Variants in SEMA5A observed in about 807,000 individuals in gnomAD.
SEMA5A encodes semaphorin 5A, also known as semaphorin-5A.
In SEMA5A, 55 loss-of-function variants were observed where a neutral mutation model predicts 135.5. That is an observed-to-expected ratio of 0.41 (90% CI 0.33 to 0.51). The LOEUF (loss-of-function observed/expected upper bound fraction) is 0.51. Among genes scored for constraint, SEMA5A ranks in the 20% least tolerant of loss-of-function variants. SEMA5A has a pLI of 0.37. For synonymous variants in SEMA5A, 580 were observed against 546.5 expected, an observed-to-expected ratio of 1.06 and a Z score of -0.85; for missense variants, 1,290 against 1,419.9, an observed-to-expected ratio of 0.91 and a Z score of 1.47.
chr5:9,467,335 A>T (rs2126744157), intron 1 of SEMA5A, among the ~76,000 whole-genome samples: 1 of 152,060 alleles, frequency 6.6e-6, no homozygotes, highest in South Asian at 2.1e-4. Context: ...GCTTGTCTTG[A>T]ACTGTTGACC....
At chr5:9,292,057 C>T (rs1050029662) in intron 5 of SEMA5A, among the ~76,000 whole-genome samples, 1 of 152,080 alleles carries the variant, frequency 6.6e-6, no homozygotes, top group Non-Finnish European at 1.5e-5. Flanking sequence ...CCTCAGGAGT[C>T]CTCGAGGCTA....
chr5:9,162,591 C>CATATAT (rs1553995478), intron 11 of SEMA5A, among the ~76,000 whole-genome samples: 99 of 107,014 alleles, frequency 9.3e-4, no homozygotes, highest in East Asian at 2.5e-3. Flanking sequence ...TATATACACA[C>CATATAT]ACACACACAA....
intron 5 of SEMA5A, among the ~76,000 whole-genome samples, chr5:9,283,370 T>C (rs1319318447): frequency 6.6e-6 from 1 of 152,274 alleles, no homozygotes; most frequent in African/African-American, 2.4e-5. Flanking sequence ...CTGAGACCTC[T>C]TGATACTAGG....
intron 8 of SEMA5A, among the ~76,000 whole-genome samples, chr5:9,222,466 G>A (rs773822111): frequency 1.3e-5 from 2 of 152,090 alleles, no homozygotes; most frequent in Admixed American, 6.5e-5. Context: ...CCCAATGTAG[G>A]CCAGGGAAGG....
In SEMA5A at chr5:9,036,604, T is replaced by C. The variant is rs1209486356; in HGVS notation, c.*6293A>G. On this transcript the variant is annotated 3_prime_UTR_variant, in exon 23 of 23. Coordinates refer to ENST00000382496, the MANE Select transcript of SEMA5A (RefSeq NM_003966.3). ...GTGATGTTAGTTTCTAGAAGGCTAA[T>C]ACTGAAGTCACCTCTCTTCTGAGCA... The C allele has an allele frequency of 6.6e-6, 1 of 152,474 alleles. No individual in the cohort carries two copies. The highest frequency in any genetic ancestry group is 1.5e-5 in the Non-Finnish European group (1 of 68,036). The allele number at this position is 152,474 out of a possible 1,614,324, so 9.4% of individuals were successfully genotyped here. A position where few individuals can be genotyped will look rare whatever the true frequency, so the allele number is the denominator to read the frequency against.
At chr5:9,385,191 A>G (rs1421405867) in intron 2 of SEMA5A, among the ~76,000 whole-genome samples, 1 of 152,208 alleles carries the variant, frequency 6.6e-6, no homozygotes, top group Non-Finnish European at 1.5e-5. Flanking sequence ...CTCGATCTAA[A>G]TAAGTACAAC....
rs570328015 is a variant in SEMA5A, at chr5:9,485,544, C to CA, written c.-174-47693dup. On this transcript the variant is annotated intron_variant, in intron 1 of 22. Coordinates refer to ENST00000382496, the MANE Select transcript of SEMA5A (RefSeq NM_003966.3). ...GGGGAGCATGTTCAGAAGTGCTGAA[C>CA]AAAGAGTGCCTGCTGCTCCACCCTG... Among the ~76,000 whole-genome samples, 772 of 152,280 alleles carry CA rather than the reference C, an allele frequency of 5.1e-3. 1 individual carries two copies. The highest frequency in any genetic ancestry group is 0.014 in the Admixed American group (217 of 15,290).
chr5:9,363,488 A>G (rs1487047334), intron 3 of SEMA5A: 1 of 152,232 alleles, frequency 6.6e-6, no homozygotes, highest in Non-Finnish European at 1.5e-5. Context: ...CCTGAGTGAG[A>G]GAAGTTCTAG....
intron 1 of SEMA5A, among the ~76,000 whole-genome samples, chr5:9,537,938 G>A (rs1398102221): frequency 6.6e-6 from 1 of 152,308 alleles, no homozygotes; most frequent in Non-Finnish European, 1.5e-5. Context: ...TGGACCACCT[G>A]TGCCAAAGTA....
At chr5:9,169,213 C>T (rs997498057) in intron 11 of SEMA5A, among the ~76,000 whole-genome samples, 1 of 152,152 alleles carries the variant, frequency 6.6e-6, no homozygotes, top group Admixed American at 6.5e-5. Flanking sequence ...TGTGTGACCT[C>T]CTGGGTATGT....
chr5:9,326,252 G>A (rs529669056), intron 4 of SEMA5A, among the ~76,000 whole-genome samples: 4 of 152,244 alleles, frequency 2.6e-5, no homozygotes, highest in South Asian at 4.1e-4. Context: ...GACTTTTGAA[G>A]ATAACAAGTT....
intron 1 of SEMA5A, among the ~76,000 whole-genome samples, chr5:9,535,544 A>ATTCT (rs1202430269): frequency 6.7e-6 from 1 of 149,552 alleles, no homozygotes; most frequent in Non-Finnish European, 1.5e-5. Flanking sequence ...GCTTTAGAAA[A>ATTCT]AAATACTAGT....
Position 9,038,033 on chromosome 5 carries a change from G to A in SEMA5A, c.*4864C>T, listed in dbSNP as rs988609424. On this transcript the variant is annotated 3_prime_UTR_variant, in exon 23 of 23. Transcript: ENST00000382496. ...GCATCTAGGGTCTGATAAGATAAGC[G>A]TAGGTAATTGCAGATAACCATAGGT... 13 of 152,178 alleles carry A rather than the reference G, an allele frequency of 8.5e-5. No individual in the cohort carries two copies. Among genetic ancestry groups the A allele is most frequent in the African/African-American group, 2.7e-4 (11 of 41,442 alleles). The allele number at this position is 152,178 out of a possible 1,614,324, so 9.4% of individuals were successfully genotyped here.
At chr5:9,089,957 C>T (rs1738941189) in intron 16 of SEMA5A, among the ~76,000 whole-genome samples, 1 of 152,112 alleles carries the variant, frequency 6.6e-6, no homozygotes, top group Non-Finnish European at 1.5e-5. Flanking sequence ...ACAAGATTCT[C>T]CACTTGGTCA....
chr5:9,380,123 G>T, intron 2 of SEMA5A, 100 bp from the exon 3 acceptor site: 1 of 767,416 alleles, frequency 1.3e-6, no homozygotes, highest in Non-Finnish European at 2.0e-6. Flanking sequence ...GTTACACTTT[G>T]TGGAGATAGA....
chr5:9,247,375 G>T (rs1246489253), intron 5 of SEMA5A, among the ~76,000 whole-genome samples: 1 of 152,054 alleles, frequency 6.6e-6, no homozygotes, highest in Non-Finnish European at 1.5e-5. Context: ...TAAATATATG[G>T]ATGTTTGCTT....
intron 3 of SEMA5A, among the ~76,000 whole-genome samples, chr5:9,376,970 CATA>C (rs1164725814): frequency 1.3e-5 from 2 of 152,128 alleles, no homozygotes; most frequent in Non-Finnish European, 2.9e-5. Flanking sequence ...AAAAATATTA[CATA>C]ATGTTTACAG....
chr5:9,066,383 C>T, intron 17 of SEMA5A, 38 bp downstream of exon 17: 1 of 1,591,496 alleles, frequency 6.3e-7, no homozygotes, highest in Non-Finnish European at 8.6e-7. Flanking sequence ...AAGGCCCTTC[C>T]ATGGAAGTGG....
chr5:9,346,643 G>A (rs1319255421), intron 3 of SEMA5A, among the ~76,000 whole-genome samples: 1 of 152,172 alleles, frequency 6.6e-6, no homozygotes, highest in Admixed American at 6.5e-5. Context: ...AGCATGGGGT[G>A]GAACACGGAG....
Sources: gnomAD v4.1 joint callset for allele counts (sites outside exome capture counted in the v4.1 genomes callset) on GRCh38, gnomAD v4.1.1 for gene constraint, MANE v1.5 for transcripts, NCBI Gene and HGNC (gene_info 2026-07-23, HGNC 2026-07-21) for gene names.